GNG7: variants seen among roughly 807,000 people sequenced by gnomAD.
GNG7 encodes G protein subunit gamma 7.
In GNG7, 1 loss-of-function variant was observed where a neutral mutation model predicts 4.0. That is an observed-to-expected ratio of 0.25 (90% CI 0.09 to 1.18). The LOEUF (loss-of-function observed/expected upper bound fraction) is 1.18. Ranked by LOEUF, GNG7 falls within the 50% of genes most tolerant of loss-of-function variation. The pLI is 0.50. For missense variants in GNG7, 86 were observed against 91.9 expected, an observed-to-expected ratio of 0.94 and a Z score of 0.26; for synonymous variants, 34 against 36.9, an observed-to-expected ratio of 0.92 and a Z score of 0.29.
intron 3 of GNG7, among the ~76,000 whole-genome samples, chr19:2,536,953 T>A (rs998668072): frequency 1.6e-4 from 22 of 136,884 alleles, no homozygotes; most frequent in Middle Eastern, 3.6e-3. Flanking sequence ...TTTATTTTTA[T>A]TTTTTTTTTT....
At chr19:2,664,425 G>A (rs1449018873) in intron 1 of GNG7, among the ~76,000 whole-genome samples, 3 of 152,204 alleles carry the variant, frequency 2.0e-5, no homozygotes, top group Admixed American at 6.5e-5. Context: ...GAGTGACGTG[G>A]CTGCTTCAGA....
intron 2 of GNG7, among the ~76,000 whole-genome samples, chr19:2,578,733 G>A (rs1456597852): frequency 6.6e-6 from 1 of 152,218 alleles, no homozygotes; most frequent in Non-Finnish European, 1.5e-5. Flanking sequence ...AGCGTCTCTG[G>A]TCTCCACCCA....
chr19:2,633,291 G>A lies in GNG7; in HGVS notation c.-78+12933C>T, dbSNP rs2144844880. Among the ~76,000 whole-genome samples the A allele has an allele frequency of 6.6e-6, 1 of 152,242 alleles. No individual in the cohort carries two copies. The highest frequency in any genetic ancestry group is 1.5e-5 in the Non-Finnish European group (1 of 68,002). The stretch of plus-strand genomic sequence containing the variant: ...ACAGATTGGCAGAGCCATCCTCTCT[G>A]GCCTCCACTCGGCTCCCCCATGTCC... On this transcript the variant is annotated intron_variant, in intron 2 of 4. Coordinates refer to ENST00000382159, the MANE Select transcript of GNG7 (RefSeq NM_052847.3). The surrounding 1 kb of genome is among the most constrained non-coding windows in gnomAD (Gnocchi z 5.9).
chr19:2,631,981 C>CCCCAAGA (rs1319738706), intron 2 of GNG7: 2 of 152,252 alleles, frequency 1.3e-5, no homozygotes, highest in Non-Finnish European at 2.9e-5. Context: ...CAGGGCGTCT[C>CCCCAAGA]CCCAAGATCT....
At chr19:2,631,036 A>C (rs183120620) in intron 2 of GNG7, among the ~76,000 whole-genome samples, 74 of 152,258 alleles carry the variant, frequency 4.9e-4, no homozygotes, top group Non-Finnish European at 1.8e-4. Flanking sequence ...AAAAAGGTCT[A>C]ATGACTATGA....
intron 1 of GNG7, among the ~76,000 whole-genome samples, chr19:2,664,365 G>C (rs1210400800): frequency 6.6e-6 from 1 of 152,238 alleles, no homozygotes; most frequent in Non-Finnish European, 1.5e-5. Context: ...AGAGAGGCCT[G>C]GACGGGCTCT....
chr19:2,559,298 G>C (rs1979664237), intron 2 of GNG7, among the ~76,000 whole-genome samples: 1 of 150,002 alleles, frequency 6.7e-6, no homozygotes, highest in African/African-American at 2.4e-5. Flanking sequence ...AGTTTCCTTT[G>C]AGTTTCAGGA....
intron 2 of GNG7, among the ~76,000 whole-genome samples, chr19:2,565,508 T>C (rs1343274289): frequency 4.1e-5 from 5 of 121,764 alleles, no homozygotes; most frequent in Non-Finnish European, 8.4e-5. Context: ...AGAGACTCTG[T>C]CTCAAAAAAA....
intron 2 of GNG7, among the ~76,000 whole-genome samples, chr19:2,593,049 G>C (rs1031248268): frequency 6.8e-6 from 1 of 147,692 alleles, no homozygotes; most frequent in Non-Finnish European, 1.5e-5. Context: ...AAAGAAGGAA[G>C]GAAGGAAGGA....
chr19:2,621,289 T>G (rs1036254875), intron 2 of GNG7, among the ~76,000 whole-genome samples: 1 of 152,140 alleles, frequency 6.6e-6, no homozygotes, highest in African/African-American at 2.4e-5. Flanking sequence ...CTCGGGAAGC[T>G]GAGGCGGGAG....
chr19:2,653,519 C>T lies in GNG7; in HGVS notation c.-134-7239G>A, dbSNP rs1982884105. ...CCGTCTTCCCCATCAGGAGTTTATC[C>T]TGGTGTCTGGAGTGAGAAGGGATCG... is the stretch of plus-strand genomic sequence containing the variant. On this transcript the variant is annotated intron_variant, in intron 1 of 4. Coordinates refer to ENST00000382159, the MANE Select transcript of GNG7 (RefSeq NM_052847.3). This position sits in a 1 kb window ranked among gnomAD's most constrained non-coding sequence, Gnocchi z 4.8. Among the ~76,000 whole-genome samples the T allele has an allele frequency of 6.6e-6, 1 of 152,226 alleles. No individual in the cohort carries two copies. Among genetic ancestry groups the T allele is most frequent in the Admixed American group, 6.5e-5 (1 of 15,276 alleles).
chr19:2,536,826 C>T (rs1227154599), intron 3 of GNG7, among the ~76,000 whole-genome samples: 1 of 152,060 alleles, frequency 6.6e-6, no homozygotes, highest in Non-Finnish European at 1.5e-5. Flanking sequence ...CCTGGGTTCT[C>T]GGGAGGGGCT....
chr19:2,657,377 T>A (rs201539139), intron 1 of GNG7, among the ~76,000 whole-genome samples: 2,488 of 46,658 alleles, frequency 0.053, 346 homozygotes, highest in Non-Finnish European at 0.1. Context: ...TATATATATA[T>A]ATATATATAT....
In GNG7 at chr19:2,557,399, G is replaced by A. The variant is rs566317969; in HGVS notation, c.-77-2211C>T. Among the ~76,000 whole-genome samples, 160 of 152,210 alleles carry A rather than the reference G, an allele frequency of 1.1e-3. No homozygotes were observed. The highest frequency in any genetic ancestry group is 3.7e-3 in the African/African-American group (155 of 41,522). On this transcript the variant is annotated intron_variant, in intron 2 of 4. Coordinates refer to ENST00000382159, the MANE Select transcript of GNG7 (RefSeq NM_052847.3). This position sits in a 1 kb window ranked among gnomAD's most constrained non-coding sequence, Gnocchi z 5.1. ...CGCACACATGCACGCAGGAGCGAGC[G>A]CCTCCACCCAGCCCTGCATCTGAAG...
chr19:2,536,952 ATTTTTTT>A (rs11288292), intron 3 of GNG7, among the ~76,000 whole-genome samples: 2 of 108,812 alleles, frequency 1.8e-5, no homozygotes, highest in African/African-American at 6.5e-5. Context: ...TTTTATTTTT[ATTTTTTT>A]TTTTTGAGAC....
chr19:2,643,224 C>A (rs1982564908), intron 2 of GNG7: 1 of 442,012 alleles, frequency 2.3e-6, no homozygotes, highest in Admixed American at 2.5e-5. Context: ...GCACTGTCCG[C>A]ACTGGAAATG....
chr19:2,548,354 G>A (rs944874508), intron 3 of GNG7, among the ~76,000 whole-genome samples: 19 of 151,316 alleles, frequency 1.3e-4, no homozygotes, highest in South Asian at 2.1e-4. Context: ...GGTGGCGGGC[G>A]CCTGTAATCC....
At chr19:2,669,871 G>A (rs1018101930) in intron 1 of GNG7, among the ~76,000 whole-genome samples, 6 of 151,990 alleles carry the variant, frequency 3.9e-5, no homozygotes, top group African/African-American at 9.7e-5. Flanking sequence ...TTAGCCAGGC[G>A]TGGTGGCGGG....
intron 1 of GNG7, among the ~76,000 whole-genome samples, chr19:2,656,183 C>A (rs1340704031): frequency 1.3e-5 from 2 of 152,160 alleles, no homozygotes; most frequent in African/African-American, 4.8e-5. Context: ...GATAGAACCA[C>A]CATATGATCC....
Sources: gnomAD v4.1 joint callset for allele counts (sites outside exome capture counted in the v4.1 genomes callset) on GRCh38, gnomAD v4.1.1 for gene constraint, Gnocchi (gnomAD v3.1) non-coding constraint, MANE v1.5 for transcripts, NCBI Gene and HGNC (gene_info 2026-07-23, HGNC 2026-07-21) for gene names.